The following HIVEP2 variants were observed in gnomAD, a reference collection of about 807,000 sequenced individuals.
HIVEP2 encodes the protein HIVEP zinc finger 2.
In HIVEP2, 14 loss-of-function variants were observed where a neutral mutation model predicts 180.7. That is an observed-to-expected ratio of 0.08 (90% CI 0.05 to 0.12). The LOEUF is 0.12. HIVEP2 is among the 10% of genes least tolerant of loss of function. The pLI, the probability that HIVEP2 is intolerant of heterozygous loss-of-function variation, is 1.00. For missense variants in HIVEP2, 2,579 were observed against 3,008.5 expected, an observed-to-expected ratio of 0.86 and a Z score of 3.34; for synonymous variants, 1,184 against 1,136.4, an observed-to-expected ratio of 1.04 and a Z score of -0.84.
At chr6:142,893,110 G>C (rs1776901120) in intron 1 of HIVEP2, among the ~76,000 whole-genome samples, 1 of 152,126 alleles carries the variant, frequency 6.6e-6, no homozygotes, top group Admixed American at 6.6e-5. Context: ...ATATTGGCCA[G>C]GCAGGAACTG....
intron 9 of HIVEP2, among the ~76,000 whole-genome samples, 182 bp from the exon 10 acceptor site, chr6:142,754,113 T>C (rs1266402803): frequency 1.3e-5 from 2 of 152,234 alleles, no homozygotes; most frequent in South Asian, 2.1e-4. Flanking sequence ...TTCTCTTTTA[T>C]AATCCTTGAA....
intron 2 of HIVEP2, among the ~76,000 whole-genome samples, chr6:142,784,694 T>C (rs1775940526): frequency 6.6e-6 from 1 of 152,214 alleles, no homozygotes; most frequent in African/African-American, 2.4e-5. Flanking sequence ...ATTTATTTTC[T>C]TTTTTAAACT....
At chr6:142,885,371 A>C (rs1776670325) in intron 1 of HIVEP2, among the ~76,000 whole-genome samples, 1 of 151,452 alleles carries the variant, frequency 6.6e-6, no homozygotes, top group African/African-American at 2.4e-5. Flanking sequence ...TCATCGCTGG[A>C]GAATAATATC....
Position 142,774,127 on chromosome 6 carries a change from C to T in HIVEP2, c.612G>A (p.Leu204=). 1 of 1,614,152 alleles carries T rather than the reference C, an allele frequency of 6.2e-7. No individual in the cohort carries two copies. Among genetic ancestry groups the T allele is most frequent in the Non-Finnish European group, 8.5e-7 (1 of 1,180,034 alleles). Reference sequence around the variant, plus strand: ...CAGTATGGGACCTGATGTGTTTTTTCAGTACACTAGGTTTGGCACACGCTC... The same window carrying T: ...CAGTATGGGACCTGATGTGTTTTTTTAGTACACTAGGTTTGGCACACGCTC... The part of the protein sequence containing the change: ...CSRACAKPSV[L]KKHIRSHTGE... Residue 204 remains leucine (L), a synonymous_variant, in exon 5 of 10, where the codon CTG becomes CTA. Transcript: ENST00000367603. The surrounding 1 kb of genome is among the most constrained non-coding windows in gnomAD (Gnocchi z 5.1).
chr6:142,805,425 C>A (rs1198028327), intron 2 of HIVEP2, among the ~76,000 whole-genome samples: 1 of 147,810 alleles, frequency 6.8e-6, no homozygotes, highest in Non-Finnish European at 1.5e-5. Flanking sequence ...ACACTGCCCC[C>A]CAACAACTGC....
In HIVEP2 at chr6:142,772,874, G is replaced by A. The variant is rs200073844; in HGVS notation, c.1865C>T (p.Ser622Phe). Residue 622 changes from serine (S) to phenylalanine (F), a missense_variant, in exon 5 of 10, where the codon TCC (serine) becomes TTC (phenylalanine). By Grantham distance (155) the Ser-to-Phe change is radical (BLOSUM62 -2). Coordinates refer to ENST00000367603, the MANE Select transcript of HIVEP2 (RefSeq NM_006734.4). This position sits in a 1 kb window ranked among gnomAD's most constrained non-coding sequence, Gnocchi z 4.9. Reference protein sequence around the residue: ...GRMLKGISSSSLKEKKLSPGD... With the variant: ...GRMLKGISSSFLKEKKLSPGD... The stretch of plus-strand genomic sequence containing the variant: ...AGGAGACAATTTCTTTTCCTTCAGG[G>A]ATGAACTGCTGATACCCTTCAACAT... 5.2e-5 allele frequency: 84 copies of A among 1,614,146 alleles called. No individual in the cohort carries two copies. The African/African-American group carries it at 9.9e-4, about 19-fold the overall frequency.
intron 1 of HIVEP2, among the ~76,000 whole-genome samples, chr6:142,908,673 A>G: frequency 6.6e-6 from 1 of 152,126 alleles, no homozygotes; most frequent in South Asian, 2.1e-4. Context: ...AAAGACCAAG[A>G]ACTAAATTTG....
At chr6:142,895,690 C>A (rs1054459800) in intron 1 of HIVEP2, among the ~76,000 whole-genome samples, 1 of 152,122 alleles carries the variant, frequency 6.6e-6, no homozygotes, top group African/African-American at 2.4e-5. Context: ...CAATATGGGG[C>A]ATTTTATGTG....
chr6:142,887,700 C>T (rs1776737350), intron 1 of HIVEP2, among the ~76,000 whole-genome samples: 1 of 152,056 alleles, frequency 6.6e-6, no homozygotes, highest in Non-Finnish European at 1.5e-5. Flanking sequence ...ACTTCCTTAC[C>T]CTAGATTAGA....
intron 1 of HIVEP2, among the ~76,000 whole-genome samples, chr6:142,900,101 G>A (rs550588272): frequency 6.6e-6 from 1 of 152,182 alleles, no homozygotes; most frequent in Non-Finnish European, 1.5e-5. Context: ...TCTCAGGATA[G>A]AGCAGAATAT....
At chr6:142,944,335 G>A (rs1009579850) in intron 1 of HIVEP2, among the ~76,000 whole-genome samples, 1 of 150,650 alleles carries the variant, frequency 6.6e-6, no homozygotes, top group Non-Finnish European at 1.5e-5. Context: ...GATAACAGCT[G>A]GGGTAGCAGA....
At chr6:142,908,433 G>A (rs148646534) in intron 1 of HIVEP2, among the ~76,000 whole-genome samples, 130 of 152,208 alleles carry the variant, frequency 8.5e-4, no homozygotes, top group Admixed American at 1.9e-3. Flanking sequence ...GTCTTTTCCA[G>A]TAAAATGAGT....
At chr6:142,889,242 A>C (rs565002830) in intron 1 of HIVEP2, among the ~76,000 whole-genome samples, 1 of 152,266 alleles carries the variant, frequency 6.6e-6, no homozygotes, top group South Asian at 2.1e-4. Flanking sequence ...AGAGACTGGC[A>C]GGAGGATCTC....
intron 2 of HIVEP2, among the ~76,000 whole-genome samples, chr6:142,810,761 CAAAAA>C (rs60893476): frequency 9.9e-6 from 1 of 100,750 alleles, no homozygotes; most frequent in Non-Finnish European, 1.9e-5. Flanking sequence ...GACTCTGTCT[CAAAAA>C]AAAAAAAAAA....
chr6:142,805,379 G>T lies in HIVEP2; in HGVS notation c.-527-21764C>A, dbSNP rs1284624191. Among the ~76,000 whole-genome samples, 3 of 141,000 alleles carry T rather than the reference G, an allele frequency of 2.1e-5. No individual in the cohort carries two copies. The Admixed American group carries it at 2.3e-4, about 11-fold the overall frequency. 92.5% of individuals were successfully genotyped at this position (141,000 alleles called of 152,430 possible). On this transcript the variant is annotated intron_variant, in intron 2 of 9. Coordinates refer to ENST00000367603, the MANE Select transcript of HIVEP2 (RefSeq NM_006734.4). ...TCTCTACCCCCTGAAATCCCAGCCA[G>T]CCTCAGAGAGTATCATGGTAATAAG... is the stretch of plus-strand genomic sequence containing the variant.
intron 1 of HIVEP2, among the ~76,000 whole-genome samples, chr6:142,913,264 C>A (rs925700615): frequency 1.3e-5 from 2 of 152,212 alleles, no homozygotes; most frequent in African/African-American, 4.8e-5. Flanking sequence ...TACTTTCACT[C>A]TGACGACTTC....
rs796285523 is a variant in HIVEP2, at chr6:142,811,209, CAG to C, written c.-528+25724_-528+25725del. 6.1e-3 allele frequency among the ~76,000 whole-genome samples: 820 copies of C among 134,888 alleles called. 2 individuals are homozygous for C. The highest frequency in any genetic ancestry group is 0.019 in the African/African-American group (765 of 39,446). 88.5% of individuals were successfully genotyped at this position (134,888 alleles called of 152,430 possible). Reference sequence around the variant, plus strand: ...TGTGTGTGTGTGTGTGTGAGAGAGACAGAGAGAGAGAGAGACAGAGAGAAAGC... The same window carrying C: ...TGTGTGTGTGTGTGTGTGAGAGAGACAGAGAGAGAGAGACAGAGAGAAAGC... On this transcript the variant is annotated intron_variant, in intron 2 of 9. Coordinates refer to ENST00000367603, the MANE Select transcript of HIVEP2 (RefSeq NM_006734.4).
chr6:142,839,328 C>T (rs1407046184), intron 1 of HIVEP2, among the ~76,000 whole-genome samples: 1 of 152,064 alleles, frequency 6.6e-6, no homozygotes, highest in African/African-American at 2.4e-5. Context: ...GTCACTGACT[C>T]TAAACTTCCT....
Position 142,754,406 on chromosome 6 carries a change from G to C in HIVEP2, c.6517-475C>G, listed in dbSNP as rs575224300. Among the ~76,000 whole-genome samples, 523 of 152,160 alleles carry C rather than the reference G, an allele frequency of 3.4e-3. 7 individuals are homozygous for C. Among genetic ancestry groups the C allele is most frequent in the African/African-American group, 0.012 (497 of 41,522 alleles). On this transcript the variant is annotated intron_variant, in intron 9 of 9. Coordinates refer to ENST00000367603, the MANE Select transcript of HIVEP2 (RefSeq NM_006734.4). ...TAATATTTTTCTTAAGTGTTGATGA[G>C]TATATAATTGGAATGACAAGTCTGA...
Sources: allele counts gnomAD v4.1 joint callset (sites outside exome capture counted in the v4.1 genomes callset), GRCh38; gene constraint gnomAD v4.1.1; non-coding constraint Gnocchi (gnomAD v3.1); transcripts MANE v1.5; gene names NCBI Gene and HGNC (gene_info 2026-07-23, HGNC 2026-07-21).